Variants in COL23A1 observed in about 807,000 individuals in gnomAD.
COL23A1 encodes collagen type XXIII alpha 1 chain.
In COL23A1, 97 loss-of-function variants were observed where a neutral mutation model predicts 99.3. The observed-to-expected ratio is 0.98, with a 90% CI of 0.83 to 1.16. The LOEUF (loss-of-function observed/expected upper bound fraction) is 1.16. COL23A1 is among the 50% of genes most tolerant of loss of function. The probability of loss-of-function intolerance (pLI) is 0.00; values close to 1 mark genes in which losing one functional copy is unlikely to be tolerated. For missense variants in COL23A1, 762 were observed against 757.4 expected (o/e 1.01, Z -0.07); for synonymous variants, 320 against 308.2 (o/e 1.04, Z -0.40).
At chr5:178,263,907 A>C (rs1488399650) in intron 8 of COL23A1, among the ~76,000 whole-genome samples, 1 of 152,140 alleles carries the variant, frequency 6.6e-6, no homozygotes, top group African/African-American at 2.4e-5. Context: ...CACATGCAAC[A>C]CCTCAGATGC....
At chr5:178,512,720 A>C (rs1164267573) in intron 2 of COL23A1, among the ~76,000 whole-genome samples, 1 of 152,186 alleles carries the variant, frequency 6.6e-6, no homozygotes, top group Non-Finnish European at 1.5e-5. Context: ...CGTAATCTGC[A>C]ACTGCAAAAA....
intron 2 of COL23A1, among the ~76,000 whole-genome samples, chr5:178,498,163 C>T (rs1190556928): frequency 7.8e-6 from 1 of 128,038 alleles, no homozygotes; most frequent in Non-Finnish European, 1.6e-5. Context: ...CTTAGGAGTT[C>T]GAGACCAGCC....
At chr5:178,358,421 G>GTGTGTA (rs1159852821) in intron 2 of COL23A1, among the ~76,000 whole-genome samples, 3 of 145,824 alleles carry the variant, frequency 2.1e-5, no homozygotes, top group Non-Finnish European at 4.5e-5. Flanking sequence ...ATGTGTATGT[G>GTGTGTA]TGTGTATGTG....
intron 2 of COL23A1, among the ~76,000 whole-genome samples, chr5:178,372,351 G>A (rs531755242): frequency 7.2e-5 from 11 of 152,336 alleles, no homozygotes; most frequent in African/African-American, 2.6e-4. Context: ...TTTTTAGTCC[G>A]AGGGCGTAGT....
chr5:178,277,491 G>A (rs1756654809), intron 5 of COL23A1, among the ~76,000 whole-genome samples: 1 of 152,252 alleles, frequency 6.6e-6, no homozygotes, highest in Non-Finnish European at 1.5e-5. Context: ...GCAGACCCTG[G>A]TCCACAGGCT....
chr5:178,249,696 ACACACACACACACACACACACT>A (rs982830956), intron 18 of COL23A1, among the ~76,000 whole-genome samples: 1 of 99,228 alleles, frequency 1.0e-5, no homozygotes, highest in Non-Finnish European at 2.2e-5. Context: ...ACACACACAC[ACACACACACACACACACACACT>A]CTCTCTCTCT....
chr5:178,576,645 G>A (rs1472958569), intron 1 of COL23A1, among the ~76,000 whole-genome samples: 1 of 152,146 alleles, frequency 6.6e-6, no homozygotes, highest in African/African-American at 2.4e-5. Context: ...GGACAGGCGC[G>A]GGGTCGTGGA....
At chr5:178,334,687 C>T (rs1358166550) in intron 2 of COL23A1, among the ~76,000 whole-genome samples, 2 of 152,194 alleles carry the variant, frequency 1.3e-5, no homozygotes, top group Non-Finnish European at 2.9e-5. Flanking sequence ...CACCTACCTG[C>T]CATCTGCACT....
intron 2 of COL23A1, among the ~76,000 whole-genome samples, chr5:178,362,239 G>A (rs1762210229): frequency 6.6e-6 from 1 of 152,170 alleles, no homozygotes; most frequent in African/African-American, 2.4e-5. Flanking sequence ...TCCACCCAGA[G>A]CCCAAGTGAA....
At chr5:178,318,442 G>A (rs1759095654) in intron 2 of COL23A1, among the ~76,000 whole-genome samples, 1 of 152,212 alleles carries the variant, frequency 6.6e-6, no homozygotes, top group Non-Finnish European at 1.5e-5. Flanking sequence ...CTGAAGGGAG[G>A]ACTGAGCAAA....
intron 2 of COL23A1, among the ~76,000 whole-genome samples, chr5:178,508,015 T>TTTCTTC (rs57811121): frequency 1.0e-3 from 154 of 150,648 alleles, no homozygotes; most frequent in Non-Finnish European, 1.6e-3. Context: ...CTTTTTATTT[T>TTTCTTC]TTCTTCTTCT....
At chr5:178,341,575 C>G (rs954477413) in intron 2 of COL23A1, among the ~76,000 whole-genome samples, 1 of 152,214 alleles carries the variant, frequency 6.6e-6, no homozygotes, top group Non-Finnish European at 1.5e-5. Context: ...CCACGGATGG[C>G]TCTGCCTTGG....
intron 7 of COL23A1, among the ~76,000 whole-genome samples, chr5:178,267,945 C>T (rs887962167): frequency 4.6e-5 from 7 of 152,086 alleles, no homozygotes; most frequent in East Asian, 1.9e-4. Context: ...CCACACAGCC[C>T]GGCAACTTGG....
chr5:178,413,318 C>T (rs73350809), intron 2 of COL23A1, among the ~76,000 whole-genome samples: 4,055 of 152,158 alleles, frequency 0.027, 186 homozygotes, highest in African/African-American at 0.092. Context: ...GATTTTTTCC[C>T]CCTTGAATGC....
At chr5:178,566,899 G>A (rs978490015) in intron 1 of COL23A1, among the ~76,000 whole-genome samples, 25 of 152,208 alleles carry the variant, frequency 1.6e-4, no homozygotes, top group Admixed American at 5.9e-4. Context: ...TAGCTAGGCG[G>A]TAAAGATGTT....
At chr5:178,353,067 A>G (rs1761418553) in intron 2 of COL23A1, among the ~76,000 whole-genome samples, 1 of 152,216 alleles carries the variant, frequency 6.6e-6, no homozygotes, top group South Asian at 2.1e-4. Context: ...CCTCAGATAT[A>G]CTTCCACATA....
chr5:178,325,623 GGGAT>G (rs1209931712), intron 2 of COL23A1, among the ~76,000 whole-genome samples: 2 of 152,156 alleles, frequency 1.3e-5, no homozygotes, highest in African/African-American at 2.4e-5. Flanking sequence ...TTAGCACACT[GGGAT>G]GGAGCCGTCT....
At chr5:178,291,966 C>T (rs959839161) in intron 3 of COL23A1, among the ~76,000 whole-genome samples, 2 of 152,136 alleles carry the variant, frequency 1.3e-5, no homozygotes, top group Non-Finnish European at 2.9e-5. Flanking sequence ...TGAGCTGACT[C>T]CTCACTGTCA....
chr5:178,243,926 G>A lies in COL23A1; in HGVS notation c.1441-1532C>T, dbSNP rs547211648. 5.3e-5 allele frequency among the ~76,000 whole-genome samples: 8 copies of A among 152,268 alleles called. No individual in the cohort carries two copies. In the South Asian group the frequency reaches 1.2e-3, roughly 24 times the overall value. On this transcript the variant is annotated intron_variant, in intron 25 of 28. Coordinates refer to ENST00000390654, the MANE Select transcript of COL23A1 (RefSeq NM_173465.4). ...CCCATTGATGGAACCCAGCACCCCC[G>A]TCAGAAACCCAAGCTACAGCTCTTC...
Sources: gnomAD v4.1 joint callset for allele counts (sites outside exome capture counted in the v4.1 genomes callset) on GRCh38, gnomAD v4.1.1 for gene constraint, MANE v1.5 for transcripts, NCBI Gene and HGNC (gene_info 2026-07-23, HGNC 2026-07-21) for gene names.